The following CFAP43 variants were observed in gnomAD, a reference collection of about 807,000 sequenced individuals.
CFAP43 encodes the protein cilia and flagella associated protein 43, also known as cilia- and flagella-associated protein 43.
A neutral mutation model predicts 218.9 loss-of-function variants in CFAP43; 155 were observed. The observed-to-expected ratio is 0.71, with a 90% CI of 0.62 to 0.81. The LOEUF (loss-of-function observed/expected upper bound fraction) is 0.81, where lower values mean the gene tolerates loss of function less well. Among genes scored for constraint, CFAP43 ranks in the 30% least tolerant of loss-of-function variants. CFAP43 has a pLI of 0.00. For synonymous variants in CFAP43, 645 were observed against 681.3 expected (o/e 0.95, Z 0.83); for missense variants, 1,778 against 1,954.3 (o/e 0.91, Z 1.70).
chr10:104,185,884 T>C (rs2134890273), intron 15 of CFAP43, 90 bp downstream of exon 15: 1 of 1,215,536 alleles, frequency 8.2e-7, no homozygotes, highest in East Asian at 2.8e-5. Flanking sequence ...TTTATGCATA[T>C]ATAAGCAAAT....
chr10:104,220,949 CGTGTGTGTGTGTGTGTGTGTGT>C (rs68093596), intron 3 of CFAP43, among the ~76,000 whole-genome samples: 7 of 143,580 alleles, frequency 4.9e-5, no homozygotes, highest in African/African-American at 7.7e-5. Flanking sequence ...TATGAGTGAG[CGTGTGTGTGTGTGTGTGTGTGT>C]GTGTGTGTGT....
chr10:104,214,633 C>T lies in CFAP43; in HGVS notation c.417-207G>A, dbSNP rs997045871. ...GCAAAAAAACTATGTTTTAAAAACA[C>T]TATACTGTCATATGCTATACCAAGG... On this transcript the variant is annotated intron_variant, in intron 3 of 37. Coordinates refer to ENST00000357060, the MANE Select transcript of CFAP43 (RefSeq NM_025145.7). 7.2e-5 allele frequency among the ~76,000 whole-genome samples: 11 copies of T among 152,144 alleles called. No individual in the cohort carries two copies. The South Asian group carries it at 1.7e-3, about 23-fold the overall frequency.
intron 19 of CFAP43, among the ~76,000 whole-genome samples, chr10:104,176,742 G>A (rs552956209): frequency 5.9e-5 from 9 of 152,292 alleles, no homozygotes; most frequent in African/African-American, 1.9e-4. Context: ...GTCTCCAACA[G>A]TCTGGGTCTC....
intron 3 of CFAP43, among the ~76,000 whole-genome samples, chr10:104,222,915 C>T (rs962618473): frequency 2.6e-5 from 4 of 152,200 alleles, no homozygotes; most frequent in Admixed American, 2.0e-4. Context: ...TGAGTATAAA[C>T]ACCTCTAGGA....
chr10:104,151,283 T>C (rs1372472084), intron 28 of CFAP43, among the ~76,000 whole-genome samples: 1 of 152,244 alleles, frequency 6.6e-6, no homozygotes, highest in Non-Finnish European at 1.5e-5. Context: ...CTGGGTTGAA[T>C]GGTAGTTCTG....
intron 17 of CFAP43, among the ~76,000 whole-genome samples, chr10:104,180,735 C>T (rs945489135): frequency 6.6e-6 from 1 of 151,998 alleles, no homozygotes; most frequent in East Asian, 1.9e-4. Flanking sequence ...GTGTGCCAAC[C>T]ACCGTCCCCG....
At chr10:104,147,166 C>T (rs604178) in intron 29 of CFAP43, among the ~76,000 whole-genome samples, 41,815 of 150,050 alleles carry the variant, frequency 0.28, 8,404 homozygotes, top group African/African-American at 0.58. Flanking sequence ...CTTAGGCATG[C>T]TACCCAGACT....
At chr10:104,157,775 T>TGTGC (rs1484523345) in intron 27 of CFAP43, among the ~76,000 whole-genome samples, 1 of 90,106 alleles carries the variant, frequency 1.1e-5, no homozygotes, top group African/African-American at 5.0e-5. Context: ...TGTGTGTGTG[T>TGTGC]GAGAGAGAGA....
intron 2 of CFAP43, 151 bp downstream of exon 2, chr10:104,230,439 T>A: frequency 9.9e-7 from 1 of 1,008,678 alleles, no homozygotes; most frequent in East Asian, 2.7e-5. Context: ...CACTCCAGCC[T>A]AGGCAACAGG....
At chr10:104,197,823 G>T in intron 9 of CFAP43, 99 bp downstream of exon 9, 1 of 831,424 alleles carries the variant, frequency 1.2e-6, no homozygotes, top group South Asian at 1.7e-5. Context: ...CTTTGCCCAT[G>T]AACTTTCAAA....
chr10:104,178,488 C>T (rs552880871), intron 19 of CFAP43, among the ~76,000 whole-genome samples: 3 of 152,238 alleles, frequency 2.0e-5, no homozygotes, highest in Admixed American at 6.5e-5. Flanking sequence ...ATTCCAAGCA[C>T]GGATTTATAT....
At position 104,148,012 on chromosome 10, in the gene CFAP43, T is replaced by A; in HGVS notation, c.3661-14A>T. On this transcript the variant is annotated splice_polypyrimidine_tract_variant and intron_variant, in intron 28 of 37. Coordinates refer to ENST00000357060, the MANE Select transcript of CFAP43 (RefSeq NM_025145.7). ...TTTCAGTTCCTCCTGTAGAAATATT[T>A]AAGAAAAAGGTTGGTGGAATTACTT... The A allele has an allele frequency of 1.3e-6, 2 of 1,529,912 alleles. No individual in the cohort carries two copies. Among genetic ancestry groups the A allele is most frequent in the Admixed American group, 2.0e-5 (1 of 50,272 alleles). 94.8% of individuals were successfully genotyped at this position (1,529,912 alleles called of 1,614,324 possible). A position where few individuals can be genotyped will look rare whatever the true frequency, so the allele number is the denominator to read the frequency against.
rs1252992824 is a variant in CFAP43 at position 104,203,463 on chromosome 10, T to C, written c.1095+209A>G. ...TGGTAGCTCTTTTATTCAGATTCACTCCTTGCCCTTTCAGTTACATGCACA... is the reference window on the plus strand; with the variant it reads ...TGGTAGCTCTTTTATTCAGATTCACCCCTTGCCCTTTCAGTTACATGCACA... On this transcript the variant is annotated intron_variant, in intron 8 of 37. Coordinates refer to ENST00000357060, the MANE Select transcript of CFAP43 (RefSeq NM_025145.7). 2.1e-5 allele frequency: 10 copies of C among 473,832 alleles called. No individual in the cohort carries two copies. The Admixed American group carries it at 4.2e-4, about 20-fold the overall frequency. The allele number at this position is 473,832 out of a possible 1,614,324, so 29.4% of individuals were successfully genotyped here.
intron 32 of CFAP43, among the ~76,000 whole-genome samples, 161 bp from the exon 33 acceptor site, chr10:104,142,554 A>T (rs772369036): frequency 6.6e-6 from 1 of 152,234 alleles, no homozygotes; most frequent in Non-Finnish European, 1.5e-5. Flanking sequence ...CATGGTATGT[A>T]ACAATTTGAA....
rs1301222924 is a variant in CFAP43, at chr10:104,163,447, TC to T, written c.3246+646del. On this transcript the variant is annotated intron_variant, in intron 24 of 37. Transcript: ENST00000357060. Reference sequence around the variant, plus strand: ...TGAGAAAAGGTCTTTCTTTGAGTATTCTTTAGCATTTTTTTTTACTTTTAAA... The same window carrying T: ...TGAGAAAAGGTCTTTCTTTGAGTATTTTTAGCATTTTTTTTTACTTTTAAA... Among the ~76,000 whole-genome samples the T allele has an allele frequency of 2.6e-5, 4 of 152,242 alleles. No individual in the cohort carries two copies. The East Asian group carries it at 7.7e-4, about 29-fold the overall frequency.
intron 2 of CFAP43, 95 bp from the exon 3 acceptor site, chr10:104,225,652 T>C (rs958118): frequency 0.056 from 56,688 of 1,006,958 alleles, 2,005 homozygotes; most frequent in South Asian, 0.12. Flanking sequence ...CTAATGATTT[T>C]CACGTAATTC....
chr10:104,158,548 T>C (rs758314885), intron 27 of CFAP43, among the ~76,000 whole-genome samples: 1 of 152,110 alleles, frequency 6.6e-6, no homozygotes, highest in African/African-American at 2.4e-5. Context: ...GTCAATGTCA[T>C]GGAACACAAA....
At chr10:104,157,775 T>TGTGTGTGTGA (rs1484523345) in intron 27 of CFAP43, among the ~76,000 whole-genome samples, 13 of 90,160 alleles carry the variant, frequency 1.4e-4, no homozygotes, top group African/African-American at 6.0e-4. Flanking sequence ...TGTGTGTGTG[T>TGTGTGTGTGA]GAGAGAGAGA....
intron 18 of CFAP43, among the ~76,000 whole-genome samples, 166 bp from the exon 19 acceptor site, chr10:104,179,272 C>G (rs1167042147): frequency 1.3e-5 from 2 of 152,144 alleles, no homozygotes; most frequent in South Asian, 4.1e-4. Flanking sequence ...TTAAATCTAA[C>G]TGCTACTATG....
Sources: gnomAD v4.1 joint callset for allele counts (sites outside exome capture counted in the v4.1 genomes callset) on GRCh38, gnomAD v4.1.1 for gene constraint, MANE v1.5 for transcripts, NCBI Gene and HGNC (gene_info 2026-07-23, HGNC 2026-07-21) for gene names.